The following STPG2 variants were observed in gnomAD, a reference collection of about 807,000 sequenced individuals.
STPG2 encodes sperm-tail PG-rich repeat-containing protein 2.
Under a neutral mutation model 54.2 loss-of-function variants are expected in STPG2, and 56 were observed. That is an observed-to-expected ratio of 1.03 (90% CI 0.83 to 1.29). The LOEUF (loss-of-function observed/expected upper bound fraction) is 1.29. STPG2 is among the 50% of genes most tolerant of loss of function. The pLI is 0.00. For missense variants in STPG2, 596 were observed against 544.9 expected (o/e 1.09, Z -0.93); for synonymous variants, 200 against 181.8 (o/e 1.10, Z -0.81).
intron 8 of STPG2, among the ~76,000 whole-genome samples, chr4:97,896,657 T>C (rs960153711): frequency 2.0e-5 from 3 of 151,766 alleles, no homozygotes; most frequent in African/African-American, 7.2e-5. Context: ...AATTGAGAGT[T>C]GAATTATGGG....
At chr4:97,948,271 A>G (rs1422810465) in intron 7 of STPG2, among the ~76,000 whole-genome samples, 7 of 151,892 alleles carry the variant, frequency 4.6e-5, no homozygotes, top group Admixed American at 4.6e-4. Context: ...TAATGTCTCC[A>G]ATTTTATTTC....
chr4:97,998,298 C>T (rs1735307496), intron 5 of STPG2, among the ~76,000 whole-genome samples: 1 of 152,116 alleles, frequency 6.6e-6, no homozygotes, highest in Admixed American at 6.6e-5. Context: ...GAGCCCAGAG[C>T]GTCCTTACAA....
chr4:97,866,849 T>C (rs2149148696), intron 8 of STPG2, among the ~76,000 whole-genome samples: 1 of 152,064 alleles, frequency 6.6e-6, no homozygotes, highest in East Asian at 1.9e-4. Context: ...GGTATCAGAA[T>C]TTCTTTGCTG....
intron 10 of STPG2, among the ~76,000 whole-genome samples, chr4:97,587,578 A>G (rs1231527358): frequency 1.3e-5 from 2 of 151,936 alleles, no homozygotes; most frequent in Admixed American, 1.3e-4. Context: ...CTGTGGCCTT[A>G]TTTTTAACTT....
At chr4:98,132,890 G>C (rs11940331) in intron 2 of STPG2, among the ~76,000 whole-genome samples, 80,874 of 147,250 alleles carry the variant, frequency 0.55, 22,281 homozygotes, top group African/African-American at 0.63. Context: ...ATGGGAATTC[G>C]TAAAGCTGTA....
intron 9 of STPG2, among the ~76,000 whole-genome samples, chr4:97,752,331 C>T (rs1725603436): frequency 6.6e-6 from 1 of 151,608 alleles, no homozygotes; most frequent in Admixed American, 6.6e-5. Context: ...GCATTCAATC[C>T]CTTAATTTTA....
At chr4:97,903,855 T>G (rs1731278663) in intron 8 of STPG2, among the ~76,000 whole-genome samples, 2 of 151,998 alleles carry the variant, frequency 1.3e-5, no homozygotes, top group African/African-American at 4.8e-5. Flanking sequence ...ACCTGGAAAA[T>G]CGGGTCACTC....
chr4:97,748,209 C>T (rs571121883), intron 9 of STPG2, among the ~76,000 whole-genome samples: 2 of 151,438 alleles, frequency 1.3e-5, no homozygotes, highest in Non-Finnish European at 3.0e-5. Flanking sequence ...ACTGGAAGCA[C>T]AAACTTACAG....
At chr4:97,939,415 G>A (rs1343628371) in intron 8 of STPG2, among the ~76,000 whole-genome samples, 1 of 152,090 alleles carries the variant, frequency 6.6e-6, no homozygotes, top group African/African-American at 2.4e-5. Context: ...GGGTGTTGAA[G>A]TCTTATTGTG....
intron 9 of STPG2, among the ~76,000 whole-genome samples, chr4:97,725,668 A>T (rs960648557): frequency 4.0e-5 from 6 of 151,872 alleles, no homozygotes; most frequent in Non-Finnish European, 8.8e-5. Flanking sequence ...TATTTAAAAA[A>T]AAATTCTATT....
intron 3 of STPG2, 71 bp from the exon 4 acceptor site, chr4:98,109,376 T>C: frequency 8.7e-7 from 1 of 1,150,258 alleles, no homozygotes; most frequent in Non-Finnish European, 1.2e-6. Context: ...AATGTTTGGC[T>C]TTACCTAAGT....
At chr4:97,848,051 A>C (rs970430898) in intron 8 of STPG2, among the ~76,000 whole-genome samples, 1 of 152,170 alleles carries the variant, frequency 6.6e-6, no homozygotes, top group African/African-American at 2.4e-5. Context: ...ACTAAAAATG[A>C]CATAAACTGC....
rs996080051 is a variant in STPG2, at chr4:97,561,060, C to T, written c.1321-1943G>A. Among the ~76,000 whole-genome samples, 11 of 152,030 alleles carry T rather than the reference C, an allele frequency of 7.2e-5. 1 individual carries two copies. Among genetic ancestry groups the T allele is most frequent in the Admixed American group, 6.5e-4 (10 of 15,268 alleles). ...CACAATGGTTGAACTAGTTTACAGT[C>T]CCACCAACAGTGTAAAAGTGTTCCT... On this transcript the variant is annotated intron_variant, in intron 10 of 10. Transcript: ENST00000295268.
intron 4 of STPG2, among the ~76,000 whole-genome samples, chr4:97,513,560 A>C (rs1431327607): frequency 6.6e-6 from 1 of 152,072 alleles, no homozygotes; most frequent in African/African-American, 2.4e-5. Context: ...CTATCACTCC[A>C]GAGATCCCAA....
At chr4:97,769,295 G>A (rs773835385) in intron 9 of STPG2, among the ~76,000 whole-genome samples, 10 of 152,114 alleles carry the variant, frequency 6.6e-5, no homozygotes, top group Non-Finnish European at 1.2e-4. Context: ...GCCACATGGA[G>A]TACATATAAG....
At chr4:97,741,397 A>G (rs1280728236) in intron 9 of STPG2, among the ~76,000 whole-genome samples, 3 of 152,142 alleles carry the variant, frequency 2.0e-5, no homozygotes, top group East Asian at 1.9e-4. Context: ...TCTGCACAGC[A>G]AAAGAAACTA....
chr4:97,456,451 C>CCACCAAG (rs960583049), intron 4 of STPG2, among the ~76,000 whole-genome samples: 5 of 152,068 alleles, frequency 3.3e-5, no homozygotes, highest in East Asian at 1.9e-4. Flanking sequence ...CAGTTACCTC[C>CCACCAAG]CACCAAGCAC....
intron 4 of STPG2, among the ~76,000 whole-genome samples, chr4:97,444,203 G>A (rs1044183638): frequency 6.6e-6 from 1 of 152,074 alleles, no homozygotes; most frequent in African/African-American, 2.4e-5. Flanking sequence ...ATTTGTGTAA[G>A]AGAAGAGAGA....
At chr4:97,939,059 T>C (rs1261662845) in intron 8 of STPG2, among the ~76,000 whole-genome samples, 2 of 152,214 alleles carry the variant, frequency 1.3e-5, no homozygotes, top group Admixed American at 6.5e-5. Flanking sequence ...CTTAATTTCA[T>C]TATTTACCCA....
Sources: allele counts gnomAD v4.1 joint callset (sites outside exome capture counted in the v4.1 genomes callset), GRCh38; gene constraint gnomAD v4.1.1; transcripts MANE v1.5; gene names NCBI Gene and HGNC (gene_info 2026-07-23, HGNC 2026-07-21).